The following PRDM16 variants were observed in gnomAD, a reference collection of about 807,000 sequenced individuals.
The protein encoded by PRDM16 is PR/SET domain 16.
In PRDM16, 23 loss-of-function variants were observed where a neutral mutation model predicts 110.6. The ratio of observed to expected loss-of-function variants is 0.21; its 90% CI spans 0.15 to 0.29. The LOEUF is 0.29. Among genes scored for constraint, PRDM16 ranks in the 10% least tolerant of loss-of-function variants. The pLI, the probability that PRDM16 is intolerant of heterozygous loss-of-function variation, is 1.00. For synonymous variants in PRDM16, 799 were observed against 781.8 expected (o/e 1.02, Z -0.37); for missense variants, 1,615 against 1,794.3 (o/e 0.90, Z 1.81).
intron 1 of PRDM16, among the ~76,000 whole-genome samples, chr1:3,111,551 A>G (rs552301769): frequency 4.6e-4 from 49 of 106,200 alleles, no homozygotes; most frequent in African/African-American, 1.6e-3. Flanking sequence ...GAGGTGGGAT[A>G]AGGAAGAGAA....
At chr1:3,269,976 C>A (rs569205521) in intron 3 of PRDM16, among the ~76,000 whole-genome samples, 2 of 142,462 alleles carry the variant, frequency 1.4e-5, no homozygotes, top group East Asian at 2.2e-4. Flanking sequence ...GAGGACAGTT[C>A]CAGAGGAGGA....
intron 8 of PRDM16, 51 bp from the exon 9 acceptor site, chr1:3,411,333 G>A (rs1325695526): frequency 3.2e-6 from 5 of 1,557,182 alleles, no homozygotes; most frequent in African/African-American, 1.4e-5. Context: ...TTTCAGCAGG[G>A]TTTCCCGGTC....
intron 4 of PRDM16, among the ~76,000 whole-genome samples, chr1:3,392,323 C>G (rs1643312456): frequency 6.6e-6 from 1 of 152,144 alleles, no homozygotes; most frequent in Non-Finnish European, 1.5e-5. Flanking sequence ...GAGGGTTCAC[C>G]TACTTGATTC....
intron 2 of PRDM16, among the ~76,000 whole-genome samples, chr1:3,187,160 C>T (rs756557222): frequency 2.6e-5 from 4 of 152,196 alleles, no homozygotes; most frequent in South Asian, 2.1e-4. Context: ...TTGTGAGGGA[C>T]GCTAGGCCCC....
At chr1:3,228,902 C>T (rs1203162599) in intron 2 of PRDM16, among the ~76,000 whole-genome samples, 3 of 152,250 alleles carry the variant, frequency 2.0e-5, no homozygotes, top group Admixed American at 6.5e-5. Context: ...GCCTGGTTCA[C>T]AGCCGGCAAC....
intron 8 of PRDM16, among the ~76,000 whole-genome samples, chr1:3,408,103 A>C (rs72633329): frequency 0.096 from 14,613 of 152,238 alleles, 789 homozygotes; most frequent in Non-Finnish European, 0.12. Context: ...GGGAGTCCAA[A>C]TGGCGTGGCC....
intron 1 of PRDM16, among the ~76,000 whole-genome samples, chr1:3,134,341 C>G (rs2100689354): frequency 6.6e-6 from 1 of 152,350 alleles, no homozygotes; most frequent in South Asian, 2.1e-4. Context: ...AGAGGAGACG[C>G]AGGCCTGGGG....
intron 1 of PRDM16, among the ~76,000 whole-genome samples, chr1:3,093,839 G>A (rs1347018854): frequency 3.9e-5 from 6 of 152,252 alleles, no homozygotes; most frequent in Admixed American, 3.9e-4. Flanking sequence ...GGGAAGGAGG[G>A]GGAACGTGCG....
intron 1 of PRDM16, among the ~76,000 whole-genome samples, chr1:3,150,409 A>T (rs1427644852): frequency 2.1e-5 from 3 of 143,166 alleles, no homozygotes; most frequent in Non-Finnish European, 4.6e-5. Context: ...AAAAAAAAAA[A>T]TCAGCTGGGC....
At chr1:3,203,903 G>T (rs1252507703) in intron 2 of PRDM16, among the ~76,000 whole-genome samples, 1 of 152,288 alleles carries the variant, frequency 6.6e-6, no homozygotes, top group Non-Finnish European at 1.5e-5. Flanking sequence ...GGCATTTCCA[G>T]GTATAGCAGG....
intron 1 of PRDM16, among the ~76,000 whole-genome samples, chr1:3,130,839 C>CGGTT (rs1032686969): frequency 1.3e-5 from 2 of 151,340 alleles, no homozygotes; most frequent in Non-Finnish European, 2.9e-5. Flanking sequence ...TGCCGGCACA[C>CGGTT]GGTTCTGGGT....
chr1:3,159,202 G>A (rs1461185232), intron 1 of PRDM16, among the ~76,000 whole-genome samples: 1 of 152,256 alleles, frequency 6.6e-6, no homozygotes, highest in African/African-American at 2.4e-5. Context: ...CATGAGAACC[G>A]AAGCCAGATG....
At chr1:3,125,506 G>C (rs962958060) in intron 1 of PRDM16, among the ~76,000 whole-genome samples, 1 of 152,264 alleles carries the variant, frequency 6.6e-6, no homozygotes, top group African/African-American at 2.4e-5. Context: ...AGAGTCGCCG[G>C]CTCAGCGGGA....
rs773821777 is a variant in PRDM16, at chr1:3,433,844, C to T, written c.*33C>T. ...GGCAGCCGGGGGCCGGTGGCCAGAG[C>T]GAGGGCACCAGCCACGAAGGACGGA... On this transcript the variant is annotated 3_prime_UTR_variant, in exon 17 of 17. Transcript: ENST00000270722. 2.6e-5 allele frequency: 41 copies of T among 1,607,216 alleles called. No individual in the cohort carries two copies. The Admixed American group carries it at 3.0e-4, about 12-fold the overall frequency.
At chr1:3,168,848 G>A (rs1052923067) in intron 1 of PRDM16, among the ~76,000 whole-genome samples, 10 of 152,244 alleles carry the variant, frequency 6.6e-5, no homozygotes, top group Middle Eastern at 6.8e-3. Flanking sequence ...GGCCACTGTC[G>A]TTCCACTTCT....
At chr1:3,154,607 G>A (rs1643830954) in intron 1 of PRDM16, among the ~76,000 whole-genome samples, 1 of 152,154 alleles carries the variant, frequency 6.6e-6, no homozygotes, top group African/African-American at 2.4e-5. Context: ...GTTTCCTGGT[G>A]TTCTTAAGGT....
chr1:3,218,503 C>T (rs2651907), intron 2 of PRDM16, among the ~76,000 whole-genome samples: 5,833 of 152,296 alleles, frequency 0.038, 224 homozygotes, highest in East Asian at 0.12. Flanking sequence ...CACACGTGCA[C>T]ACAGATGTGC....
In PRDM16 at chr1:3,148,596, A is replaced by T. The variant is rs1569691343; in HGVS notation, c.38-37529A>T. Among the ~76,000 whole-genome samples, 1 of 151,838 alleles carries T rather than the reference A, an allele frequency of 6.6e-6. No individual in the cohort carries two copies. The highest frequency in any genetic ancestry group is 2.4e-5 in the African/African-American group (1 of 41,390). ...CAGGAGATGTCAACTCCTTGCTGGG[A>T]CCTCCTTGACGCTCACGGGGCTCAG... On this transcript the variant is annotated intron_variant, in intron 1 of 16. Coordinates refer to ENST00000270722, the MANE Select transcript of PRDM16 (RefSeq NM_022114.4). This position sits in a 1 kb window ranked among gnomAD's most constrained non-coding sequence, Gnocchi z 5.0.
Position 3,426,033 on chromosome 1 carries a change from G to T in PRDM16, c.3110-18G>T. ...GTCCAGCGAGAGGCCGCCCCCTGATGCTCCCGCCCCTCCGCAGTGAGCCAG... is the reference window on the plus strand; with the variant it reads ...GTCCAGCGAGAGGCCGCCCCCTGATTCTCCCGCCCCTCCGCAGTGAGCCAG... On this transcript the variant is annotated intron_variant, in intron 13 of 16. Transcript: ENST00000270722. 2 of 1,602,194 alleles carry T rather than the reference G, an allele frequency of 1.2e-6. No homozygotes were observed. Among genetic ancestry groups the T allele is most frequent in the Middle Eastern group, 1.9e-4 (1 of 5,302 alleles).
Sources: allele counts gnomAD v4.1 joint callset (sites outside exome capture counted in the v4.1 genomes callset), GRCh38; gene constraint gnomAD v4.1.1; non-coding constraint Gnocchi (gnomAD v3.1); transcripts MANE v1.5; gene names NCBI Gene and HGNC (gene_info 2026-07-23, HGNC 2026-07-21).